CLMP: variants seen among roughly 807,000 people sequenced by gnomAD.
CLMP encodes the protein CXADR-like membrane protein.
A neutral mutation model predicts 45.2 loss-of-function variants in CLMP; 27 were observed. The ratio of observed to expected loss-of-function variants is 0.60; its 90% CI spans 0.44 to 0.82. The LOEUF is 0.82. Ranked by LOEUF, CLMP falls within the 40% of genes least tolerant of loss-of-function variation. The pLI is 0.00. For missense variants in CLMP, 403 were observed against 448.4 expected (o/e 0.90, Z 0.91); for synonymous variants, 167 against 171.4 (o/e 0.97, Z 0.20).
At chr11:123,185,159 G>A (rs771114258) in intron 1 of CLMP, among the ~76,000 whole-genome samples, 2 of 152,152 alleles carry the variant, frequency 1.3e-5, no homozygotes, top group Admixed American at 6.5e-5. Context: ...TGGGGGACCA[G>A]GGGACAAAGC....
intron 1 of CLMP, among the ~76,000 whole-genome samples, chr11:123,143,791 C>A (rs1157103098): frequency 6.6e-6 from 1 of 151,664 alleles, no homozygotes; most frequent in Non-Finnish European, 1.5e-5. Flanking sequence ...CTTGCCAACA[C>A]CTTGACTATA....
chr11:123,164,677 G>A (rs745874380), intron 1 of CLMP, among the ~76,000 whole-genome samples: 35 of 151,522 alleles, frequency 2.3e-4, no homozygotes, highest in East Asian at 9.7e-4. Flanking sequence ...TTTAAACACC[G>A]TGACAATTTA....
chr11:123,187,403 A>T (rs1478313578), intron 1 of CLMP, among the ~76,000 whole-genome samples: 1 of 152,238 alleles, frequency 6.6e-6, no homozygotes, highest in Non-Finnish European at 1.5e-5. Context: ...AGTCTGAACG[A>T]TCCCCACAAA....
At chr11:123,176,520 G>A (rs569221261) in intron 1 of CLMP, among the ~76,000 whole-genome samples, 2 of 152,346 alleles carry the variant, frequency 1.3e-5, no homozygotes, top group African/African-American at 4.8e-5. Flanking sequence ...TTTGAAGGTT[G>A]AGACTGAGCC....
rs377357882 is a variant in CLMP at position 123,083,695 on chromosome 11, G to T, written c.541C>A (p.Pro181Thr). The change falls in exon 4 of 7, where the codon CCC becomes ACC. Residue 181 changes from proline to threonine, a missense_variant. By Grantham distance (38) the Pro-to-Thr change is conservative. Coordinates refer to ENST00000448775, the MANE Select transcript of CLMP (RefSeq NM_024769.5). ...EKEGEDERLP[P>T]KSRIDYNHPG... Reference sequence around the variant, plus strand: ...GATGACTTACCAATCCTAGATTTGGGAGGCAGACGTTCATCCTCTCCCTCT... The same window carrying T: ...GATGACTTACCAATCCTAGATTTGGTAGGCAGACGTTCATCCTCTCCCTCT... The T allele has an allele frequency of 8.7e-6, 14 of 1,613,948 alleles. No homozygotes were observed. Among genetic ancestry groups the T allele is most frequent in the Middle Eastern group, 3.3e-4 (2 of 6,044 alleles).
In CLMP at chr11:123,072,146, G is replaced by C. The variant is rs567137065; in HGVS notation, c.*1328C>G. 8 of 152,218 alleles carry C rather than the reference G, an allele frequency of 5.3e-5. No individual in the cohort carries two copies. Among genetic ancestry groups the C allele is most frequent in the Middle Eastern group, 3.4e-3 (1 of 294 alleles). The allele number at this position is 152,218 out of a possible 1,614,324, so 9.4% of individuals were successfully genotyped here. ...TTCACTTTTAGGAGGGAACGGTTAT[G>C]GCATATACTTGCAGTGCCATTAGAA... On this transcript the variant is annotated 3_prime_UTR_variant, in exon 7 of 7. Transcript: ENST00000448775.
At chr11:123,150,521 AAGG>A (rs1565397600) in intron 1 of CLMP, among the ~76,000 whole-genome samples, 2 of 128,538 alleles carry the variant, frequency 1.6e-5, no homozygotes, top group African/African-American at 6.1e-5. Context: ...GGAAGGAAGG[AAGG>A]AAGGAAAGAA....
intron 1 of CLMP, among the ~76,000 whole-genome samples, chr11:123,173,825 TA>T (rs1301825226): frequency 1.3e-5 from 2 of 152,162 alleles, no homozygotes; most frequent in Non-Finnish European, 2.9e-5. Context: ...ATCAGACCTG[TA>T]ATCTCAACAG....
At chr11:123,164,195 A>G (rs1050532940) in intron 1 of CLMP, among the ~76,000 whole-genome samples, 1 of 152,162 alleles carries the variant, frequency 6.6e-6, no homozygotes, top group Non-Finnish European at 1.5e-5. Flanking sequence ...CATATAATTT[A>G]TCTATTTCTT....
At chr11:123,150,517 A>AAGGAAGGT (rs1565397592) in intron 1 of CLMP, among the ~76,000 whole-genome samples, 64 of 128,350 alleles carry the variant, frequency 5.0e-4, no homozygotes, top group African/African-American at 1.8e-3. Flanking sequence ...GGAAGGAAGG[A>AAGGAAGGT]AGGAAGGAAG....
chr11:123,085,983 G>A (rs1865861787), intron 2 of CLMP, among the ~76,000 whole-genome samples: 1 of 151,916 alleles, frequency 6.6e-6, no homozygotes, highest in African/African-American at 2.4e-5. Context: ...CTCCATGTTG[G>A]CCAGGCTGGT....
At chr11:123,134,105 C>CA (rs1424512925) in intron 1 of CLMP, among the ~76,000 whole-genome samples, 1 of 151,850 alleles carries the variant, frequency 6.6e-6, no homozygotes, top group Non-Finnish European at 1.5e-5. Flanking sequence ...ACTAAAAATA[C>CA]AAAAATTCGC....
At chr11:123,123,973 G>C (rs1326895537) in intron 1 of CLMP, among the ~76,000 whole-genome samples, 2 of 152,122 alleles carry the variant, frequency 1.3e-5, no homozygotes, top group Non-Finnish European at 2.9e-5. Flanking sequence ...GATTGGGTGG[G>C]AATGAACTCA....
At chr11:123,098,883 C>CCCCAAGAT (rs1866021906) in intron 1 of CLMP, among the ~76,000 whole-genome samples, 1 of 151,652 alleles carries the variant, frequency 6.6e-6, no homozygotes, top group Non-Finnish European at 1.5e-5. Context: ...TTAGTAGAGA[C>CCCCAAGAT]GGGGTTTCAC....
chr11:123,132,839 G>C (rs1861011542), intron 1 of CLMP, among the ~76,000 whole-genome samples: 1 of 151,914 alleles, frequency 6.6e-6, no homozygotes, highest in Non-Finnish European at 1.5e-5. Context: ...AGGGCCAGTG[G>C]TGTGATCTCC....
intron 2 of CLMP, among the ~76,000 whole-genome samples, chr11:123,090,863 C>T (rs1194843006): frequency 6.6e-6 from 1 of 152,108 alleles, no homozygotes. Context: ...TTCCACCAGA[C>T]CAACTCAAAA....
intron 1 of CLMP, among the ~76,000 whole-genome samples, chr11:123,189,115 A>T (rs1340479387): frequency 6.6e-6 from 1 of 152,238 alleles, no homozygotes; most frequent in Non-Finnish European, 1.5e-5. Context: ...GTTCTCAGTT[A>T]TAAACAATAG....
At chr11:123,083,984 G>T in intron 3 of CLMP, 137 bp from the exon 4 acceptor site, 1 of 947,912 alleles carries the variant, frequency 1.1e-6, no homozygotes, top group South Asian at 1.7e-5. Flanking sequence ...GATTCAACTA[G>T]CCTTGCTTTA....
intron 5 of CLMP, 32 bp from the exon 6 acceptor site, chr11:123,074,875 A>C: frequency 6.2e-7 from 1 of 1,605,482 alleles, no homozygotes; most frequent in Middle Eastern, 1.7e-4. Context: ...CACAAGTAAA[A>C]CCAAACGTAA....
Sources: gnomAD v4.1 joint callset for allele counts (sites outside exome capture counted in the v4.1 genomes callset) on GRCh38, gnomAD v4.1.1 for gene constraint, MANE v1.5 for transcripts, NCBI Gene and HGNC (gene_info 2026-07-23, HGNC 2026-07-21) for gene names.